Variants in FAT3 observed in about 807,000 individuals in gnomAD.
FAT3 encodes protocadherin Fat 3.
Under a neutral mutation model 310.2 loss-of-function variants are expected in FAT3, and 95 were observed. That is an observed-to-expected ratio of 0.31 (90% CI 0.26 to 0.36). FAT3 has a LOEUF of 0.36. Ranked by LOEUF, FAT3 falls within the 10% of genes least tolerant of loss-of-function variation. FAT3 has a pLI of 1.00. For missense variants in FAT3, 5,408 were observed against 5,715.6 expected (o/e 0.95, Z 1.74); for synonymous variants, 2,314 against 2,192.9 (o/e 1.06, Z -1.54).
chr11:92,546,259 A>G (rs1335273185), intron 3 of FAT3, among the ~76,000 whole-genome samples: 1 of 152,186 alleles, frequency 6.6e-6, no homozygotes, highest in Non-Finnish European at 1.5e-5. Context: ...CAGTGTGTTT[A>G]AGGGAACGTA....
intron 2 of FAT3, chr11:92,400,771 A>G (rs1949995723): frequency 6.6e-6 from 1 of 152,144 alleles, no homozygotes; most frequent in Non-Finnish European, 1.5e-5. Flanking sequence ...AAGTAAGTTG[A>G]TATGAACAGC....
At chr11:92,374,752 A>T (rs1049607357) in intron 2 of FAT3, among the ~76,000 whole-genome samples, 1 of 152,154 alleles carries the variant, frequency 6.6e-6, no homozygotes, top group African/African-American at 2.4e-5. Context: ...AAGAGGAAAA[A>T]CACTACCTCC....
intron 3 of FAT3, among the ~76,000 whole-genome samples, chr11:92,541,686 A>C (rs1307718690): frequency 1.3e-5 from 2 of 152,122 alleles, no homozygotes; most frequent in Non-Finnish European, 2.9e-5. Context: ...ATGGTTAAAG[A>C]CTTGGGCATG....
intron 2 of FAT3, among the ~76,000 whole-genome samples, chr11:92,453,332 C>T (rs1295945127): frequency 2.6e-5 from 4 of 152,136 alleles, no homozygotes; most frequent in Admixed American, 6.6e-5. Context: ...ATACCAAGCT[C>T]GCTGCACTTT....
In FAT3 at chr11:92,802,781, G is replaced by A. The variant is rs376035837; in HGVS notation, c.8896+872G>A. 1.8e-3 allele frequency among the ~76,000 whole-genome samples: 280 copies of A among 152,280 alleles called. 8 individuals are homozygous for A. The South Asian group carries it at 0.056, about 30-fold the overall frequency. On this transcript the variant is annotated intron_variant, in intron 10 of 27. Transcript: ENST00000525166. The stretch of plus-strand genomic sequence containing the variant: ...CAATACTTGTAGTCAGGTGGCTTCC[G>A]TTTAGAAAAACTACATCATTCAGAG...
At chr11:92,542,403 A>C (rs1954479378) in intron 3 of FAT3, among the ~76,000 whole-genome samples, 1 of 152,088 alleles carries the variant, frequency 6.6e-6, no homozygotes, top group South Asian at 2.1e-4. Flanking sequence ...AAACTTAAAG[A>C]ATGTGAGAAA....
chr11:92,450,541 A>T (rs964324285), intron 2 of FAT3, among the ~76,000 whole-genome samples: 1 of 152,154 alleles, frequency 6.6e-6, no homozygotes, highest in African/African-American at 2.4e-5. Context: ...CCAACACAAG[A>T]CTGGAAACAA....
rs1459731318 is a variant in FAT3, at chr11:92,442,102, TATATA to T, written c.3293-82531_3293-82527del. Among the ~76,000 whole-genome samples the T allele has an allele frequency of 4.9e-3, 252 of 51,052 alleles. 10 individuals are homozygous for T. The highest frequency in any genetic ancestry group is 0.024 in the East Asian group (29 of 1,194). The allele number at this position is 51,052 out of a possible 152,430, so 33.5% of individuals were successfully genotyped here. A position where few individuals can be genotyped will look rare whatever the true frequency, so the allele number is the denominator to read the frequency against. On this transcript the variant is annotated intron_variant, in intron 2 of 27. Coordinates refer to ENST00000525166, the MANE Select transcript of FAT3 (RefSeq NM_001367949.2). Reference sequence around the variant, plus strand: ...TATTTTATATATATATATATATATATATATATATATTTTTTTTTTTTTTTTTTTTG... The same window carrying T: ...TATTTTATATATATATATATATATATTATATTTTTTTTTTTTTTTTTTTTG...
At chr11:92,465,343 T>C (rs969805826) in intron 2 of FAT3, among the ~76,000 whole-genome samples, 1 of 152,170 alleles carries the variant, frequency 6.6e-6, no homozygotes, top group Non-Finnish European at 1.5e-5. Flanking sequence ...AAAATTGAAT[T>C]GAGTTTCCAG....
chr11:92,499,119 T>C (rs1952852444), intron 2 of FAT3, among the ~76,000 whole-genome samples: 1 of 152,072 alleles, frequency 6.6e-6, no homozygotes, highest in Admixed American at 6.6e-5. Context: ...TACCTTGTGC[T>C]GGGTGCTGTT....
At chr11:92,699,552 G>A (rs188149744) in intron 4 of FAT3, among the ~76,000 whole-genome samples, 6 of 152,030 alleles carry the variant, frequency 3.9e-5, no homozygotes, top group Non-Finnish European at 8.8e-5. Flanking sequence ...GAATATTTTC[G>A]GTATTCTTAG....
intron 16 of FAT3, 102 bp from the exon 17 acceptor site, chr11:92,837,560 TG>T (rs1468961489): frequency 5.1e-6 from 7 of 1,370,054 alleles, no homozygotes; most frequent in Non-Finnish European, 7.0e-6. Context: ...TAAAGATGGT[TG>T]CTCTTTAACA....
intron 3 of FAT3, among the ~76,000 whole-genome samples, chr11:92,565,623 A>G (rs561062929): frequency 6.6e-6 from 1 of 151,514 alleles, no homozygotes; most frequent in Non-Finnish European, 1.5e-5. Flanking sequence ...ATGAACATTG[A>G]TGCAAAAATC....
intron 1 of FAT3, among the ~76,000 whole-genome samples, chr11:92,246,801 G>C (rs1292277220): frequency 6.6e-6 from 1 of 152,072 alleles, no homozygotes; most frequent in Non-Finnish European, 1.5e-5. Flanking sequence ...ACTTCCTGTA[G>C]TCCACAGCAA....
At chr11:92,533,811 G>C (rs1591413777) in intron 3 of FAT3, among the ~76,000 whole-genome samples, 1 of 152,042 alleles carries the variant, frequency 6.6e-6, no homozygotes, top group South Asian at 2.1e-4. Flanking sequence ...GGAGGTGGTA[G>C]TTCCTATAGC....
At position 92,329,294 on chromosome 11, in the gene FAT3, G is replaced by T. The variant is rs75392993; in HGVS notation, c.-17-22802G>T. Reference sequence around the variant, plus strand: ...TTGAAAAGATTAATGCCCTCCCTCCGAGATGAGTGAGTGTTTGCTCTGTTT... The same window carrying T: ...TTGAAAAGATTAATGCCCTCCCTCCTAGATGAGTGAGTGTTTGCTCTGTTT... On this transcript the variant is annotated intron_variant, in intron 1 of 27. Coordinates refer to ENST00000525166, the MANE Select transcript of FAT3 (RefSeq NM_001367949.2). Among the ~76,000 whole-genome samples, 13 of 152,046 alleles carry T rather than the reference G, an allele frequency of 8.6e-5. No individual in the cohort carries two copies. The East Asian group carries it at 2.1e-3, about 25-fold the overall frequency.
chr11:92,880,314 G>GAAC (rs1949644025), intron 22 of FAT3, among the ~76,000 whole-genome samples: 1 of 138,572 alleles, frequency 7.2e-6, no homozygotes, highest in African/African-American at 2.7e-5. Flanking sequence ...TAAGGAGAAG[G>GAAC]GGCACACGAG....
intron 2 of FAT3, among the ~76,000 whole-genome samples, chr11:92,413,195 T>C (rs1950334662): frequency 6.6e-6 from 1 of 152,200 alleles, no homozygotes; most frequent in Non-Finnish European, 1.5e-5. Context: ...TCTATACAAT[T>C]TTTAATGTCA....
chr11:92,652,455 T>A (rs1200964364), intron 3 of FAT3, among the ~76,000 whole-genome samples: 1 of 152,236 alleles, frequency 6.6e-6, no homozygotes, highest in Non-Finnish European at 1.5e-5. Context: ...GAGATAAATT[T>A]ACGGAAAAAT....
Sources: allele counts gnomAD v4.1 joint callset (sites outside exome capture counted in the v4.1 genomes callset), GRCh38; gene constraint gnomAD v4.1.1; transcripts MANE v1.5; gene names NCBI Gene and HGNC (gene_info 2026-07-23, HGNC 2026-07-21).